MTHFD2L: variants seen among roughly 807,000 people sequenced by gnomAD.
MTHFD2L encodes bifunctional methylenetetrahydrofolate dehydrogenase/cyclohydrolase 2, mitochondrial.
A neutral mutation model predicts 34.9 loss-of-function variants in MTHFD2L; 29 were observed. That is an observed-to-expected ratio of 0.83 (90% confidence interval 0.62 to 1.13). The LOEUF is 1.13. MTHFD2L is among the 50% of genes most tolerant of loss of function. MTHFD2L has a pLI of 0.00. For synonymous variants in MTHFD2L, 167 were observed against 155.7 expected (o/e 1.07, Z -0.54); for missense variants, 481 against 446.5 (o/e 1.08, Z -0.70).
upstream of MTHFD2L, chr4:74,123,504 G>A (rs568850552): frequency 1.9e-4 from 29 of 152,160 alleles, no homozygotes; most frequent in African/African-American, 6.0e-4. Context: ...AAAATGCTTT[G>A]AGATTTGCTT....
chr4:74,197,288 C>G (rs1317996066), intron 3 of MTHFD2L, among the ~76,000 whole-genome samples: 1 of 152,084 alleles, frequency 6.6e-6, no homozygotes, highest in Non-Finnish European at 1.5e-5. Flanking sequence ...TTATGTGCCC[C>G]AAGGGTGAGA....
At chr4:74,166,616 G>GA (rs1227572702) in intron 1 of MTHFD2L, among the ~76,000 whole-genome samples, 4 of 152,076 alleles carry the variant, frequency 2.6e-5, no homozygotes, top group African/African-American at 7.2e-5. Flanking sequence ...AACAACTTTT[G>GA]AAAAAAATGC....
intron 1 of MTHFD2L, among the ~76,000 whole-genome samples, chr4:74,140,241 A>G (rs1723196130): frequency 6.6e-6 from 1 of 151,998 alleles, no homozygotes; most frequent in Non-Finnish European, 1.5e-5. Flanking sequence ...GCAAGTCAAG[A>G]CTGTAGTGAG....
chr4:74,175,188 G>T, intron 2 of MTHFD2L, 93 bp from the exon 3 acceptor site: 1 of 1,336,978 alleles, frequency 7.5e-7, no homozygotes, highest in South Asian at 1.5e-5. Context: ...ACCTTTCACG[G>T]CAGTAGGAAC....
intron 1 of MTHFD2L, among the ~76,000 whole-genome samples, chr4:74,137,464 T>C (rs906224899): frequency 6.6e-6 from 1 of 152,030 alleles, no homozygotes; most frequent in East Asian, 1.9e-4. Flanking sequence ...AGATAGATAA[T>C]AACAGATGCC....
At chr4:74,157,562 G>A (rs1434733736), upstream of MTHFD2L, 1 of 413,070 alleles carries the variant, frequency 2.4e-6, no homozygotes, top group Non-Finnish European at 4.8e-6. Context: ...CAAAAGTGGA[G>A]ATGATAAAGT....
chr4:74,301,870 A>G lies in MTHFD2L; in HGVS notation c.*61A>G, dbSNP rs753888027. On this transcript the variant is annotated 3_prime_UTR_variant, in exon 8 of 8. Transcript: ENST00000325278. ...TATTTGTTTATTTGACAAAGGGTAAAACCTTTATATTTTACTACAAAGCTA... is the reference window on the plus strand; with the variant it reads ...TATTTGTTTATTTGACAAAGGGTAAGACCTTTATATTTTACTACAAAGCTA... The G allele has an allele frequency of 1.5e-4, 150 of 1,034,400 alleles. No homozygotes were observed. Among genetic ancestry groups the G allele is most frequent in the Non-Finnish European group, 2.1e-4 (144 of 695,978 alleles). The allele number at this position is 1,034,400 out of a possible 1,614,324, so 64.1% of individuals were successfully genotyped here.
intron 1 of MTHFD2L, among the ~76,000 whole-genome samples, chr4:74,166,852 C>T (rs145218014): frequency 7.0e-4 from 107 of 152,322 alleles, no homozygotes; most frequent in African/African-American, 2.3e-3. Context: ...AGCCTATCCC[C>T]AGGGACCCAA....
rs913736584 is a variant in MTHFD2L at position 74,302,781 on chromosome 4, A to G, written c.*972A>G. 1 of 152,162 alleles carries G rather than the reference A, an allele frequency of 6.6e-6. No individual in the cohort carries two copies. The highest frequency in any genetic ancestry group is 1.5e-5 in the Non-Finnish European group (1 of 68,008). 9.4% of individuals were successfully genotyped at this position (152,162 alleles called of 1,614,324 possible). ...CAAAACTAAACCTTAGTATACAACT[A>G]AAAATCTCCTGCCTTCTTGCCTACC... On this transcript the variant is annotated 3_prime_UTR_variant, in exon 8 of 8. Transcript: ENST00000325278.
intron 5 of MTHFD2L, among the ~76,000 whole-genome samples, chr4:74,219,296 T>C (rs980362463): frequency 6.6e-6 from 1 of 152,072 alleles, no homozygotes; most frequent in Non-Finnish European, 1.5e-5. Flanking sequence ...AATAGTTACT[T>C]ATAGACTCTG....
intron 1 of MTHFD2L, among the ~76,000 whole-genome samples, chr4:74,173,131 C>G (rs903653745): frequency 6.6e-6 from 1 of 151,940 alleles, no homozygotes; most frequent in Non-Finnish European, 1.5e-5. Flanking sequence ...CATGTTTTTA[C>G]CGGGCCATTC....
chr4:74,186,507 G>A (rs2110004035), intron 3 of MTHFD2L, among the ~76,000 whole-genome samples: 1 of 145,106 alleles, frequency 6.9e-6, no homozygotes, highest in East Asian at 2.0e-4. Context: ...AAGGATACAA[G>A]CTTAATATAG....
chr4:74,248,459 G>T, intron 6 of MTHFD2L, among the ~76,000 whole-genome samples: 1 of 151,446 alleles, frequency 6.6e-6, no homozygotes, highest in Admixed American at 6.6e-5. Context: ...TTTTTGAAGG[G>T]TTTTTTGTGT....
At chr4:74,159,826 G>T (rs1321606144) in intron 1 of MTHFD2L, among the ~76,000 whole-genome samples, 1 of 152,192 alleles carries the variant, frequency 6.6e-6, no homozygotes, top group African/African-American at 2.4e-5. Context: ...ACTTGATGCA[G>T]ATTATAGTTA....
At chr4:74,174,461 T>A in intron 1 of MTHFD2L, 45 bp from the exon 2 acceptor site, 1 of 1,293,610 alleles carries the variant, frequency 7.7e-7, no homozygotes, top group Non-Finnish European at 1.0e-6. Context: ...TGCAGTTGAG[T>A]GTTTCTTATT....
intron 1 of MTHFD2L, among the ~76,000 whole-genome samples, chr4:74,149,787 G>C (rs183915162): frequency 3.3e-3 from 502 of 152,254 alleles, no homozygotes; most frequent in Non-Finnish European, 6.0e-3. Flanking sequence ...TATGTGTTGT[G>C]GTAGGTAGAA....
At chr4:74,261,305 G>C (rs188964759) in intron 6 of MTHFD2L, among the ~76,000 whole-genome samples, 1 of 151,722 alleles carries the variant, frequency 6.6e-6, no homozygotes, top group South Asian at 2.1e-4. Flanking sequence ...CAATAACAAC[G>C]TAAATGTAGG....
intron 5 of MTHFD2L, among the ~76,000 whole-genome samples, chr4:74,220,722 T>C (rs1489664715): frequency 1.3e-5 from 2 of 151,712 alleles, no homozygotes; most frequent in Admixed American, 6.6e-5. Context: ...TTACAATGTA[T>C]TTTCTAAGAT....
chr4:74,119,909 T>C (rs547361768), upstream of MTHFD2L, among the ~76,000 whole-genome samples: 4 of 152,252 alleles, frequency 2.6e-5, no homozygotes, highest in South Asian at 6.2e-4. Flanking sequence ...AATGAAGCCA[T>C]GAAACCTTCA....
Sources: gnomAD v4.1 joint callset for allele counts (sites outside exome capture counted in the v4.1 genomes callset) on GRCh38, gnomAD v4.1.1 for gene constraint, MANE v1.5 for transcripts, NCBI Gene and HGNC (gene_info 2026-07-23, HGNC 2026-07-21) for gene names.